Variants in TSHR observed in about 807,000 individuals in gnomAD.
TSHR encodes the protein thyrotropin receptor.
In TSHR, 51 loss-of-function variants were observed where a neutral mutation model predicts 64.1. The ratio of observed to expected loss-of-function variants is 0.80; its 90% CI spans 0.64 to 1.01. The LOEUF (loss-of-function observed/expected upper bound fraction) is 1.01. Among genes scored for constraint, TSHR ranks in the 50% least tolerant of loss-of-function variants. TSHR has a pLI of 0.00. For missense variants in TSHR, 877 were observed against 942.8 expected (o/e 0.93, Z 0.91); for synonymous variants, 361 against 361.9 (o/e 1.00, Z 0.03).
chr14:81,016,371 T>C (rs1157066165), intron 1 of TSHR, among the ~76,000 whole-genome samples: 1 of 152,224 alleles, frequency 6.6e-6, no homozygotes, highest in Non-Finnish European at 1.5e-5. Flanking sequence ...TGTTGATTAA[T>C]GATGTTGAGC....
chr14:80,985,396 G>A (rs564903538), intron 1 of TSHR, among the ~76,000 whole-genome samples: 1 of 152,334 alleles, frequency 6.6e-6, no homozygotes, highest in South Asian at 2.1e-4. Flanking sequence ...GCAAGCCTGG[G>A]CATTTCTGCA....
At chr14:81,078,113 T>C (rs992803048) in intron 3 of TSHR, among the ~76,000 whole-genome samples, 2 of 152,204 alleles carry the variant, frequency 1.3e-5, no homozygotes, top group African/African-American at 2.4e-5. Flanking sequence ...TAGTCATTTA[T>C]ATACGTTCAA....
chr14:80,987,133 G>A (rs1888498826), intron 1 of TSHR, among the ~76,000 whole-genome samples: 1 of 152,178 alleles, frequency 6.6e-6, no homozygotes, highest in South Asian at 2.1e-4. Context: ...AAAGGAAACA[G>A]TAATACCTTC....
In TSHR at chr14:81,108,420, A is replaced by C. The variant is rs1472492596; in HGVS notation, c.660A>C (p.Ala220=). Residue 220 remains alanine, a synonymous_variant, in exon 8 of 10, where the codon GCA becomes GCC. Transcript: ENST00000298171. ...NKYLTVIDKD[A]FGGVYSGPSL... ...ACCTGACAGTTATTGACAAAGATGC[A>C]TTTGGAGGAGTATACAGTGGACCAA... is the stretch of plus-strand genomic sequence containing the variant. 6.2e-7 allele frequency: 1 copy of C among 1,613,734 alleles called. No homozygotes were observed. Among genetic ancestry groups the C allele is most frequent in the Non-Finnish European group, 8.5e-7 (1 of 1,179,928 alleles).
intron 1 of TSHR, among the ~76,000 whole-genome samples, chr14:80,962,243 CAT>C (rs1420244796): frequency 6.6e-6 from 1 of 152,166 alleles, no homozygotes; most frequent in Non-Finnish European, 1.5e-5. Context: ...AAATTGAACA[CAT>C]GTTAAAGATT....
intron 1 of TSHR, among the ~76,000 whole-genome samples, chr14:81,061,729 A>G (rs149163493): frequency 4.1e-4 from 62 of 152,252 alleles, no homozygotes; most frequent in African/African-American, 1.5e-3. Context: ...TCAGTACAAA[A>G]AAAACCCTGA....
intron 1 of TSHR, among the ~76,000 whole-genome samples, chr14:80,971,568 T>TTAAAG: frequency 6.6e-6 from 1 of 152,348 alleles, no homozygotes; most frequent in East Asian, 1.9e-4. Context: ...GTTAAGTTTG[T>TTAAAG]TAAAGTGCAT....
chr14:81,031,943 T>C (rs1198807461), intron 1 of TSHR, among the ~76,000 whole-genome samples: 1 of 152,178 alleles, frequency 6.6e-6, no homozygotes, highest in African/African-American at 2.4e-5. Flanking sequence ...AAGAGGCAAT[T>C]CTTCCACCAG....
chr14:80,964,447 A>G (rs1887191896), intron 1 of TSHR, among the ~76,000 whole-genome samples: 1 of 152,252 alleles, frequency 6.6e-6, no homozygotes, highest in African/African-American at 2.4e-5. Context: ...TCAATTTACT[A>G]GAGTAGTAGT....
At chr14:80,990,810 A>G (rs1888690068) in intron 1 of TSHR, among the ~76,000 whole-genome samples, 1 of 151,714 alleles carries the variant, frequency 6.6e-6, no homozygotes, top group Non-Finnish European at 1.5e-5. Flanking sequence ...GCCCACCACC[A>G]CTCCTGGCTA....
At chr14:81,029,485 C>T (rs1417889372) in intron 1 of TSHR, among the ~76,000 whole-genome samples, 2 of 151,930 alleles carry the variant, frequency 1.3e-5, no homozygotes, top group East Asian at 3.9e-4. Flanking sequence ...TGTTACAGTT[C>T]CATATCTGCA....
At chr14:81,031,243 C>T (rs1218777200) in intron 1 of TSHR, among the ~76,000 whole-genome samples, 1 of 152,170 alleles carries the variant, frequency 6.6e-6, no homozygotes, top group Non-Finnish European at 1.5e-5. Flanking sequence ...ATGCTACCAT[C>T]CTACTCTTGG....
At chr14:81,141,247 G>A (rs1891674176) in intron 9 of TSHR, among the ~76,000 whole-genome samples, 2 of 152,198 alleles carry the variant, frequency 1.3e-5, no homozygotes, top group African/African-American at 2.4e-5. Flanking sequence ...GATGCCATGC[G>A]GCATTGAGAA....
At chr14:81,138,479 G>T (rs967942503) in intron 8 of TSHR, among the ~76,000 whole-genome samples, 2 of 152,026 alleles carry the variant, frequency 1.3e-5, no homozygotes, top group African/African-American at 4.8e-5. Context: ...GTGAGCTACC[G>T]CACCCAGCAG....
At chr14:80,992,909 T>C (rs1273726119) in intron 1 of TSHR, 2 of 152,112 alleles carry the variant, frequency 1.3e-5, no homozygotes, top group African/African-American at 2.4e-5. Flanking sequence ...TGGGAAATGA[T>C]GGGAACCAAG....
chr14:81,104,443 A>C (rs945218695), intron 7 of TSHR: 1 of 985,248 alleles, frequency 1.0e-6, no homozygotes, highest in Admixed American at 6.1e-5. Context: ...CCAGAGAGCC[A>C]AGTTCAGCAG....
intron 8 of TSHR, among the ~76,000 whole-genome samples, chr14:81,118,875 A>G (rs538807158): frequency 6.7e-6 from 1 of 149,820 alleles, no homozygotes; most frequent in Non-Finnish European, 1.5e-5. Context: ...ATAATGCCGC[A>G]TGTCTACAAC....
At chr14:81,108,771 T>C in intron 8 of TSHR, 1 of 1,601,508 alleles carries the variant, frequency 6.2e-7, no homozygotes, top group Non-Finnish European at 8.5e-7. Context: ...AAATGCAAGA[T>C]CCACAACTAG....
At chr14:81,108,841 C>G in intron 8 of TSHR, 1 of 1,493,748 alleles carries the variant, frequency 6.7e-7, no homozygotes, top group Non-Finnish European at 8.9e-7. Context: ...TGCACAATGC[C>G]TGGCACAAAG....
Sources: allele counts gnomAD v4.1 joint callset (sites outside exome capture counted in the v4.1 genomes callset), GRCh38; gene constraint gnomAD v4.1.1; transcripts MANE v1.5; gene names NCBI Gene and HGNC (gene_info 2026-07-23, HGNC 2026-07-21).